MROH2B: variants seen among roughly 807,000 people sequenced by gnomAD.
The protein encoded by MROH2B is maestro heat like repeat family member 2B.
A neutral mutation model predicts 208.6 loss-of-function variants in MROH2B; 177 were observed. That is an observed-to-expected ratio of 0.85 (90% CI 0.75 to 0.96). MROH2B has a LOEUF of 0.96. Among genes scored for constraint, MROH2B ranks in the 40% least tolerant of loss-of-function variants. The pLI, the probability that MROH2B is intolerant of heterozygous loss-of-function variation, is 0.00. For synonymous variants in MROH2B, 728 were observed against 659.0 expected (o/e 1.10, Z -1.60); for missense variants, 2,002 against 1,878.7 (o/e 1.07, Z -1.21).
intron 18 of MROH2B, among the ~76,000 whole-genome samples, chr5:41,044,830 T>C (rs1365553269): frequency 1.3e-5 from 2 of 152,204 alleles, no homozygotes; most frequent in African/African-American, 4.8e-5. Context: ...AATAAACTTA[T>C]GAATGGTATT....
chr5:41,028,507 C>T (rs1190635013), intron 24 of MROH2B, among the ~76,000 whole-genome samples: 1 of 152,084 alleles, frequency 6.6e-6, no homozygotes, highest in Admixed American at 6.6e-5. Context: ...TTTTTATTCT[C>T]CATTTCTGTA....
intron 27 of MROH2B, 76 bp from the exon 28 acceptor site, chr5:41,018,046 C>G (rs575019245): frequency 5.4e-6 from 8 of 1,488,052 alleles, no homozygotes; most frequent in Admixed American, 5.0e-5. Context: ...CACTGGATCT[C>G]AAGTCTCTTA....
At chr5:41,033,774 G>T in intron 22 of MROH2B, 64 bp downstream of exon 22, 1 of 1,036,786 alleles carries the variant, frequency 9.6e-7, no homozygotes, top group Non-Finnish European at 1.4e-6. Context: ...CACACTTCAG[G>T]GGGGCATTAT....
At chr5:41,065,668 C>A (rs1743786844) in intron 3 of MROH2B, among the ~76,000 whole-genome samples, 178 bp from the exon 4 acceptor site, 1 of 152,070 alleles carries the variant, frequency 6.6e-6, no homozygotes, top group Non-Finnish European at 1.5e-5. Context: ...GAGATTTGGG[C>A]TTCTAGTGAA....
At position 41,014,113 on chromosome 5, in the gene MROH2B, C is replaced by T. The variant is rs142774951; in HGVS notation, c.2982+1268G>A. Reference sequence around the variant, plus strand: ...GCCCCGTCCTCAAGATATTTCACTTCTCTCTGTGAGTGTATTGTCATAACG... The same window carrying T: ...GCCCCGTCCTCAAGATATTTCACTTTTCTCTGTGAGTGTATTGTCATAACG... On this transcript the variant is annotated intron_variant, in intron 29 of 41. Transcript: ENST00000399564. 6.6e-3 allele frequency among the ~76,000 whole-genome samples: 1,010 copies of T among 152,324 alleles called. 4 individuals are homozygous for T. Among genetic ancestry groups the T allele is most frequent in the Middle Eastern group, 0.02 (6 of 294 alleles).
chr5:41,065,442 C>A lies in MROH2B; in HGVS notation c.250G>T (p.Ala84Ser), dbSNP rs1743772781. The A allele has an allele frequency of 6.2e-7, 1 of 1,613,416 alleles. No homozygotes were observed. The highest frequency in any genetic ancestry group is 8.5e-7 in the Non-Finnish European group (1 of 1,179,668). Reference protein sequence around the residue: ...MLAGEVLVSLAAHDFNSVMYE... With the variant: ...MLAGEVLVSLSAHDFNSVMYE... The stretch of plus-strand genomic sequence containing the variant: ...ATCACAGAGTTGAAATCATGTGCAG[C>A]AAGAGACACCAAAACCTCACCAGCT... Residue 84 changes from alanine (A) to serine (S), a missense_variant, in exon 4 of 42, where the codon GCT (alanine) becomes TCT (serine). Transcript: ENST00000399564.
At chr5:41,035,651 G>A (rs923341963) in intron 21 of MROH2B, among the ~76,000 whole-genome samples, 2 of 151,980 alleles carry the variant, frequency 1.3e-5, no homozygotes, top group East Asian at 1.9e-4. Flanking sequence ...AATAAAAAGT[G>A]AACAAAGGAC....
At position 41,033,051 on chromosome 5, in the gene MROH2B, C is replaced by A. The variant is rs1476465203; in HGVS notation, c.2351G>T (p.Gly784Val). Residue 784 changes from glycine (G) to valine (V), a missense_variant, in exon 23 of 42, where the codon GGT becomes GTT. Gly to Val is a moderately radical substitution (Grantham distance 109). Transcript: ENST00000399564. ...FQFSYKEMLI[G>V]YMLDFIRDEP... The stretch of plus-strand genomic sequence containing the variant: ...TCTCTGCACACTCACCAGCATGTAA[C>A]CAATCAGCATCTCCTTGTAGGAAAA... 2 of 1,612,968 alleles carry A rather than the reference C, an allele frequency of 1.2e-6. No individual in the cohort carries two copies. Among genetic ancestry groups the A allele is most frequent in the Admixed American group, 1.7e-5 (1 of 59,846 alleles).
At chr5:41,035,502 C>T (rs1293397832) in intron 21 of MROH2B, among the ~76,000 whole-genome samples, 1 of 151,964 alleles carries the variant, frequency 6.6e-6, no homozygotes, top group Non-Finnish European at 1.5e-5. Context: ...TTCTGCACAG[C>T]AAAAGAAAAT....
At chr5:41,038,995 A>G (rs946599790) in intron 20 of MROH2B, 107 bp from the exon 21 acceptor site, 2 of 999,500 alleles carry the variant, frequency 2.0e-6, no homozygotes, top group Non-Finnish European at 2.9e-6. Context: ...AAGAAACTGG[A>G]CTGGGATGAT....
intron 24 of MROH2B, among the ~76,000 whole-genome samples, chr5:41,023,794 T>G (rs1467891662): frequency 6.6e-6 from 1 of 152,032 alleles, no homozygotes; most frequent in African/African-American, 2.4e-5. Flanking sequence ...AAAGGTCGGG[T>G]TACTCACAAA....
At chr5:41,038,645 T>C in intron 21 of MROH2B, 91 bp downstream of exon 21, 2 of 1,309,876 alleles carry the variant, frequency 1.5e-6, no homozygotes, top group South Asian at 3.4e-5. Flanking sequence ...TACCCAAGTC[T>C]GGGAAGGAAA....
intron 2 of MROH2B, 146 bp from the exon 3 acceptor site, chr5:41,067,364 CTT>C: frequency 3.9e-6 from 2 of 517,384 alleles, no homozygotes; most frequent in Admixed American, 3.4e-5. Context: ...TTGAGGCTTT[CTT>C]TTTTTTTTCT....
intron 30 of MROH2B, among the ~76,000 whole-genome samples, chr5:41,011,004 T>C (rs1407813173): frequency 1.3e-5 from 2 of 152,200 alleles, no homozygotes; most frequent in East Asian, 1.9e-4. Flanking sequence ...AGGAGAATGG[T>C]CCAGGTTGGA....
intron 28 of MROH2B, among the ~76,000 whole-genome samples, chr5:41,017,100 G>C (rs1294171473): frequency 6.6e-6 from 1 of 152,182 alleles, no homozygotes; most frequent in Non-Finnish European, 1.5e-5. Flanking sequence ...GTGGAACATA[G>C]GCAGGCATAA....
chr5:41,056,774 C>CAAAAAAAAA (rs34263761), intron 9 of MROH2B, among the ~76,000 whole-genome samples: 1 of 114,754 alleles, frequency 8.7e-6, no homozygotes, highest in South Asian at 2.8e-4. Context: ...TCTCAAATAC[C>CAAAAAAAAA]AAAAAAAAAA....
At chr5:40,998,877 T>A (rs559156030) in intron 40 of MROH2B, among the ~76,000 whole-genome samples, 200 bp from the exon 41 acceptor site, 2 of 152,342 alleles carry the variant, frequency 1.3e-5, no homozygotes, top group South Asian at 4.1e-4. Flanking sequence ...CTGCAAGTAG[T>A]CACTTATCCA....
intron 5 of MROH2B, among the ~76,000 whole-genome samples, chr5:41,063,015 A>G (rs575650828): frequency 2.0e-5 from 3 of 152,196 alleles, no homozygotes; most frequent in Non-Finnish European, 4.4e-5. Context: ...GGATGGCTGA[A>G]TGGCTGGATG....
At chr5:41,043,800 A>G (rs555615021) in intron 18 of MROH2B, among the ~76,000 whole-genome samples, 1 of 152,152 alleles carries the variant, frequency 6.6e-6, no homozygotes, top group Non-Finnish European at 1.5e-5. Context: ...GGCCAATAGA[A>G]TGTGGCAAAA....
Sources: gnomAD v4.1 joint callset for allele counts (sites outside exome capture counted in the v4.1 genomes callset) on GRCh38, gnomAD v4.1.1 for gene constraint, MANE v1.5 for transcripts, NCBI Gene and HGNC (gene_info 2026-07-23, HGNC 2026-07-21) for gene names.